Variants in CPA6 observed in about 807,000 individuals in gnomAD.
CPA6 encodes carboxypeptidase A6, also known as carboxypeptidase B.
In CPA6, 58 loss-of-function variants were observed where a neutral mutation model predicts 63.3. That is an observed-to-expected ratio of 0.92 (90% CI 0.74 to 1.14). The LOEUF is 1.14. Ranked by LOEUF, CPA6 falls within the 50% of genes most tolerant of loss-of-function variation. The probability of loss-of-function intolerance (pLI) is 0.00; values close to 1 mark genes in which losing one functional copy is unlikely to be tolerated. For synonymous variants in CPA6, 185 were observed against 179.0 expected (o/e 1.03, Z -0.27); for missense variants, 565 against 526.6 (o/e 1.07, Z -0.71).
At chr8:67,559,356 A>AAC (rs142242711) in intron 2 of CPA6, among the ~76,000 whole-genome samples, 7 of 151,884 alleles carry the variant, frequency 4.6e-5, no homozygotes, top group East Asian at 1.9e-4. Flanking sequence ...CTCCCCAACA[A>AAC]ACACACACAC....
intron 8 of CPA6, among the ~76,000 whole-genome samples, chr8:67,444,063 C>G (rs929254036): frequency 6.6e-6 from 1 of 151,064 alleles, no homozygotes; most frequent in African/African-American, 2.4e-5. Flanking sequence ...GCAATCTCGG[C>G]TCACTGCAAG....
intron 3 of CPA6, among the ~76,000 whole-genome samples, chr8:67,515,041 T>A (rs954858261): frequency 1.3e-5 from 2 of 152,320 alleles, no homozygotes; most frequent in African/African-American, 4.8e-5. Flanking sequence ...AACCCTTGGC[T>A]CAGCCCTCTA....
chr8:67,434,291 A>G (rs1810096799), intron 8 of CPA6, 51 bp from the exon 9 acceptor site: 5 of 1,435,890 alleles, frequency 3.5e-6, no homozygotes, highest in Non-Finnish European at 3.9e-6. Flanking sequence ...GGAAGAAACA[A>G]GAAACACAAA....
chr8:67,686,457 A>G (rs1816711473), intron 1 of CPA6, among the ~76,000 whole-genome samples: 1 of 152,244 alleles, frequency 6.6e-6, no homozygotes, highest in Non-Finnish European at 1.5e-5. Flanking sequence ...ATATATACGC[A>G]TAGCCAAAAA....
intron 1 of CPA6, among the ~76,000 whole-genome samples, chr8:67,640,037 A>G (rs2128989752): frequency 6.6e-6 from 1 of 151,396 alleles, no homozygotes; most frequent in African/African-American, 2.5e-5. Context: ...TGGTCGTCCC[A>G]TCATCTCCTT....
At chr8:67,657,607 G>C (rs1318305811) in intron 1 of CPA6, among the ~76,000 whole-genome samples, 1 of 152,192 alleles carries the variant, frequency 6.6e-6, no homozygotes, top group Admixed American at 6.5e-5. Flanking sequence ...CCCAGCTCTT[G>C]CTTCCTGATA....
intron 6 of CPA6, among the ~76,000 whole-genome samples, chr8:67,504,287 G>A (rs1811886198): frequency 6.6e-6 from 1 of 152,176 alleles, no homozygotes; most frequent in South Asian, 2.1e-4. Context: ...TCTCATCAAG[G>A]AATGGTAGGC....
intron 1 of CPA6, among the ~76,000 whole-genome samples, chr8:67,668,993 A>G (rs1468632489): frequency 6.6e-6 from 1 of 152,176 alleles, no homozygotes; most frequent in African/African-American, 2.4e-5. Flanking sequence ...GAGGGAAGTC[A>G]TGGGAGAATG....
chr8:67,458,921 G>C lies in CPA6; in HGVS notation c.839-24681C>G, dbSNP rs536289432. On this transcript the variant is annotated intron_variant, in intron 8 of 10. Transcript: ENST00000297770. ...TGATGGTGAAGACGTGGAGCAACAG[G>C]AACTTTCATTCATTGATTGTAGTAA... 9.9e-5 allele frequency among the ~76,000 whole-genome samples: 15 copies of C among 152,278 alleles called. No homozygotes were observed. The South Asian group carries it at 1.9e-3, about 19-fold the overall frequency.
chr8:67,555,636 T>C (rs538278488), intron 2 of CPA6, among the ~76,000 whole-genome samples: 14 of 152,282 alleles, frequency 9.2e-5, no homozygotes, highest in African/African-American at 3.4e-4. Flanking sequence ...TCTGAATTTG[T>C]AGTCAGCCAG....
intron 1 of CPA6, among the ~76,000 whole-genome samples, chr8:67,740,388 CACAAAAACTGCTCCTGAG>C (rs994952825): frequency 5.3e-5 from 8 of 152,272 alleles, no homozygotes; most frequent in African/African-American, 1.9e-4. Flanking sequence ...CATAAAAGAA[CACAAAAACTGCTCCTGAG>C]ACAAAGGTGG....
intron 8 of CPA6, among the ~76,000 whole-genome samples, chr8:67,436,382 G>A (rs1410702523): frequency 8.0e-6 from 1 of 124,512 alleles, no homozygotes; most frequent in African/African-American, 5.0e-5. Flanking sequence ...TTTTGTTGTT[G>A]GGTATTTTTT....
At chr8:67,624,734 A>T (rs750594720) in intron 1 of CPA6, among the ~76,000 whole-genome samples, 8 of 152,208 alleles carry the variant, frequency 5.3e-5, no homozygotes, top group Non-Finnish European at 1.0e-4. Context: ...GGAGAAGCCC[A>T]TCTCTATGGG....
intron 1 of CPA6, among the ~76,000 whole-genome samples, chr8:67,713,885 T>C (rs1817324353): frequency 6.6e-6 from 1 of 152,200 alleles, no homozygotes; most frequent in Non-Finnish European, 1.5e-5. Context: ...TCAATTGCTA[T>C]TTACTTTCTG....
At chr8:67,498,396 T>C (rs1302250928) in intron 6 of CPA6, among the ~76,000 whole-genome samples, 1 of 151,464 alleles carries the variant, frequency 6.6e-6, no homozygotes, top group Non-Finnish European at 1.5e-5. Flanking sequence ...ATTAGCAGTG[T>C]GTGGTGGTGC....
At chr8:67,448,976 G>C (rs1810496583) in intron 8 of CPA6, among the ~76,000 whole-genome samples, 1 of 152,078 alleles carries the variant, frequency 6.6e-6, no homozygotes, top group South Asian at 2.1e-4. Context: ...ATGCAGCCAG[G>C]GATGGTGGCT....
intron 8 of CPA6, among the ~76,000 whole-genome samples, chr8:67,467,033 TC>T (rs1810942213): frequency 6.6e-6 from 1 of 152,220 alleles, no homozygotes; most frequent in Non-Finnish European, 1.5e-5. Context: ...TTTTGTGGCT[TC>T]CTAAAACTTT....
At chr8:67,643,546 GTT>G (rs58403492) in intron 1 of CPA6, among the ~76,000 whole-genome samples, 3 of 150,392 alleles carry the variant, frequency 2.0e-5, no homozygotes, top group East Asian at 3.9e-4. Context: ...ATATATGGTA[GTT>G]TTTTTTTTAA....
chr8:67,657,512 T>A (rs1454397269), intron 1 of CPA6, among the ~76,000 whole-genome samples: 1 of 152,176 alleles, frequency 6.6e-6, no homozygotes, highest in African/African-American at 2.4e-5. Context: ...ATAGCAATGA[T>A]AAATTGTTCA....
Sources: allele counts gnomAD v4.1 joint callset (sites outside exome capture counted in the v4.1 genomes callset), GRCh38; gene constraint gnomAD v4.1.1; transcripts MANE v1.5; gene names NCBI Gene and HGNC (gene_info 2026-07-23, HGNC 2026-07-21).